The following RAB10 variants were observed in gnomAD, a reference collection of about 807,000 sequenced individuals.
RAB10 encodes the protein ras-related protein Rab-10.
RAB10 carries 5 observed loss-of-function variants against 25.7 expected under a neutral mutation model. The ratio of observed to expected loss-of-function variants is 0.19; its 90% CI spans 0.10 to 0.41. RAB10 has a LOEUF of 0.41. Among genes scored for constraint, RAB10 ranks in the 10% least tolerant of loss-of-function variants. RAB10 has a pLI of 1.00. For missense variants in RAB10, 103 were observed against 245.8 expected (o/e 0.42, Z 3.89); for synonymous variants, 89 against 86.4 (o/e 1.03, Z -0.16).
chr2:26,109,493 CT>C (rs1249515848), intron 2 of RAB10, among the ~76,000 whole-genome samples: 1 of 152,084 alleles, frequency 6.6e-6, no homozygotes, highest in Admixed American at 6.6e-5. Context: ...ATCCTACCTG[CT>C]TTTGTGTTAC....
chr2:26,034,133 C>G lies in RAB10; in HGVS notation c.-476C>G, dbSNP rs866507829. Reference sequence around the variant, plus strand: ...GTGAGAGGGCACGGGGAAAAGGTGGCTCTGGCCGGGGTGGCTCGGTTTCCT... The same window carrying G: ...GTGAGAGGGCACGGGGAAAAGGTGGGTCTGGCCGGGGTGGCTCGGTTTCCT... On this transcript the variant is annotated 5_prime_UTR_variant, in exon 1 of 6. Transcript: ENST00000264710. 16 of 404,850 alleles carry G rather than the reference C, an allele frequency of 4.0e-5. No individual in the cohort carries two copies. The highest frequency in any genetic ancestry group is 2.1e-4 in the East Asian group (6 of 28,366). 25.1% of individuals were successfully genotyped at this position (404,850 alleles called of 1,614,324 possible).
chr2:26,110,658 T>C (rs1667551426), intron 3 of RAB10, among the ~76,000 whole-genome samples: 1 of 152,208 alleles, frequency 6.6e-6, no homozygotes, highest in Non-Finnish European at 1.5e-5. Context: ...AGTAAAAACC[T>C]AACTAAGAAA....
Position 26,095,851 on chromosome 2 carries a change from G to A in RAB10, c.128-2811G>A, listed in dbSNP as rs541695467. Among the ~76,000 whole-genome samples, 4 of 152,230 alleles carry A rather than the reference G, an allele frequency of 2.6e-5. No homozygotes were observed. In the South Asian group the frequency reaches 6.2e-4, roughly 24 times the overall value. On this transcript the variant is annotated intron_variant, in intron 1 of 5. Transcript: ENST00000264710. ...CACCTGAGCCCAGGAGGTCGAGGCT[G>A]CAGTGAGCCATGACTGACACTGCAC...
At chr2:26,125,774 C>T (rs1667891138) in intron 3 of RAB10, among the ~76,000 whole-genome samples, 1 of 151,956 alleles carries the variant, frequency 6.6e-6, no homozygotes, top group African/African-American at 2.4e-5. Context: ...AGGTATTATT[C>T]CCTTTCAAAT....
At chr2:26,041,908 A>G (rs1665898222) in intron 1 of RAB10, among the ~76,000 whole-genome samples, 2 of 152,238 alleles carry the variant, frequency 1.3e-5, no homozygotes, top group Admixed American at 6.5e-5. Flanking sequence ...CTGTCTCAAA[A>G]AAAAAGAAAA....
Position 26,134,952 on chromosome 2 carries a change from G to C in RAB10, c.534G>C (p.Glu178Asp). Residue 178 changes from glutamate (E) to aspartate (D), a missense_variant, in exon 6 of 6, where the codon GAG (glutamate) becomes GAC (aspartate). Glu to Asp is a conservative substitution (Grantham distance 45). Around this residue, in one of 2 missense-constraint regions of RAB10, gnomAD observed 24 missense variants for 28.0 expected, o/e 0.86. Coordinates refer to ENST00000264710, the MANE Select transcript of RAB10 (RefSeq NM_016131.5). ...EDILRKTPVK[E>D]PNSENVDISS... ...GTTTGTTGCAGACCCCTGTAAAAGAGCCCAACAGTGAAAATGTAGATATCA... is the reference window on the plus strand; with the variant it reads ...GTTTGTTGCAGACCCCTGTAAAAGACCCCAACAGTGAAAATGTAGATATCA... The C allele has an allele frequency of 6.2e-7, 1 of 1,613,482 alleles. No individual in the cohort carries two copies. The highest frequency in any genetic ancestry group is 8.5e-7 in the Non-Finnish European group (1 of 1,179,570).
At chr2:26,125,260 T>G (rs977854139) in intron 3 of RAB10, among the ~76,000 whole-genome samples, 2 of 152,104 alleles carry the variant, frequency 1.3e-5, no homozygotes. Flanking sequence ...TCCTCGCCAA[T>G]ATGTGTTTTC....
At position 26,068,316 on chromosome 2, in the gene RAB10, T is replaced by C. The variant is rs139360787; in HGVS notation, c.128-30346T>C. Among the ~76,000 whole-genome samples, 492 of 152,288 alleles carry C rather than the reference T, an allele frequency of 3.2e-3. 3 individuals are homozygous for C. Among genetic ancestry groups the C allele is most frequent in the Non-Finnish European group, 5.7e-3 (387 of 68,024 alleles). ...AGATTGTGCAGAGCCTGGTAGTCCA[T>C]GCTAAGGATTCGAATTCCATGGAAG... On this transcript the variant is annotated intron_variant, in intron 1 of 5. Coordinates refer to ENST00000264710, the MANE Select transcript of RAB10 (RefSeq NM_016131.5).
intron 3 of RAB10, among the ~76,000 whole-genome samples, chr2:26,122,454 C>G (rs1458921520): frequency 6.6e-6 from 1 of 152,012 alleles, no homozygotes; most frequent in African/African-American, 2.4e-5. Context: ...CGTTGAAACC[C>G]CGTCTCTACT....
intron 2 of RAB10, among the ~76,000 whole-genome samples, chr2:26,099,855 C>T (rs1355488425): frequency 6.6e-6 from 1 of 151,782 alleles, no homozygotes; most frequent in Admixed American, 6.6e-5. Context: ...TTTTTTTTAA[C>T]ATTCTAGATC....
intron 1 of RAB10, among the ~76,000 whole-genome samples, chr2:26,083,085 A>C (rs1219315131): frequency 2.6e-5 from 4 of 152,196 alleles, no homozygotes; most frequent in Non-Finnish European, 5.9e-5. Flanking sequence ...TAATGTGCTA[A>C]ATTTTGTACA....
At chr2:26,074,899 T>A (rs1666700364) in intron 1 of RAB10, among the ~76,000 whole-genome samples, 1 of 152,200 alleles carries the variant, frequency 6.6e-6, no homozygotes, top group South Asian at 2.1e-4. Flanking sequence ...GAGTAAATGC[T>A]TGTAAAATGC....
intron 1 of RAB10, among the ~76,000 whole-genome samples, chr2:26,048,022 G>A (rs1401468503): frequency 6.6e-6 from 1 of 151,082 alleles, no homozygotes; most frequent in African/African-American, 2.4e-5. Flanking sequence ...GTGAGCCACC[G>A]TGCCGGGCCC....
At chr2:26,072,318 AGGCAG>A (rs1553725685) in intron 1 of RAB10, among the ~76,000 whole-genome samples, 1 of 152,182 alleles carries the variant, frequency 6.6e-6, no homozygotes, top group Non-Finnish European at 1.5e-5. Context: ...CGGGAGGCTG[AGGCAG>A]GAAAATCACT....
At chr2:26,058,822 A>G (rs1439093798) in intron 1 of RAB10, among the ~76,000 whole-genome samples, 1 of 152,134 alleles carries the variant, frequency 6.6e-6, no homozygotes, top group Non-Finnish European at 1.5e-5. Flanking sequence ...CCTATAATAA[A>G]ATAGCAACAG....
rs1667091669 is a variant in RAB10 at position 26,090,873 on chromosome 2, G to A, written c.128-7789G>A. Reference sequence around the variant, plus strand: ...GGCTTGAACCTGAGAGGTGGAGGTTGCAGTGAGCTGAGATCATGCCACCGC... The same window carrying A: ...GGCTTGAACCTGAGAGGTGGAGGTTACAGTGAGCTGAGATCATGCCACCGC... On this transcript the variant is annotated intron_variant, in intron 1 of 5. Coordinates refer to ENST00000264710, the MANE Select transcript of RAB10 (RefSeq NM_016131.5). Among the ~76,000 whole-genome samples, 4 of 151,450 alleles carry A rather than the reference G, an allele frequency of 2.6e-5. No homozygotes were observed. The South Asian group carries it at 6.3e-4, about 24-fold the overall frequency.
intron 1 of RAB10, among the ~76,000 whole-genome samples, chr2:26,078,828 G>T (rs1020735380): frequency 6.6e-6 from 1 of 152,126 alleles, no homozygotes; most frequent in Non-Finnish European, 1.5e-5. Flanking sequence ...CAGAAACACT[G>T]CAAGCCAAAC....
rs1668098958 is a variant in RAB10, at chr2:26,135,771, A to G, written c.*750A>G. On this transcript the variant is annotated 3_prime_UTR_variant, in exon 6 of 6. Coordinates refer to ENST00000264710, the MANE Select transcript of RAB10 (RefSeq NM_016131.5). The stretch of plus-strand genomic sequence containing the variant: ...CTGCCACCATTTCTTCTCCTTGGCC[A>G]CTTCTTCCTTGCGTCTCCCTGCATG... 6.6e-6 allele frequency: 1 copy of G among 152,638 alleles called. No homozygotes were observed. The highest frequency in any genetic ancestry group is 6.5e-5 in the Admixed American group (1 of 15,268). The allele number at this position is 152,638 out of a possible 1,614,324, so 9.5% of individuals were successfully genotyped here.
intron 1 of RAB10, among the ~76,000 whole-genome samples, chr2:26,058,565 G>T (rs955923995): frequency 2.0e-5 from 3 of 151,932 alleles, no homozygotes; most frequent in African/African-American, 7.3e-5. Context: ...ACTGTGCCCC[G>T]GCTAAATCTG....
Sources: gnomAD v4.1 joint callset for allele counts (sites outside exome capture counted in the v4.1 genomes callset) on GRCh38, gnomAD v4.1.1 for gene constraint, gnomAD v4.1.1 regional missense constraint, MANE v1.5 for transcripts, NCBI Gene and HGNC (gene_info 2026-07-23, HGNC 2026-07-21) for gene names.